The following ENOX1 variants were observed in gnomAD, a reference collection of about 807,000 sequenced individuals.
The protein encoded by ENOX1 is ecto-NOX disulfide-thiol exchanger 1.
In ENOX1, 42 loss-of-function variants were observed where a neutral mutation model predicts 82.5. The ratio of observed to expected loss-of-function variants is 0.51; its 90% CI spans 0.40 to 0.66. The LOEUF (loss-of-function observed/expected upper bound fraction) is 0.66, where lower values mean the gene tolerates loss of function less well. ENOX1 is among the 30% of genes least tolerant of loss of function. The pLI is 0.00. For synonymous variants in ENOX1, 271 were observed against 282.2 expected (o/e 0.96, Z 0.40); for missense variants, 608 against 811.6 (o/e 0.75, Z 3.05).
chr13:43,590,646 C>T (rs539259753), intron 2 of ENOX1, among the ~76,000 whole-genome samples: 1 of 151,622 alleles, frequency 6.6e-6, no homozygotes, highest in Non-Finnish European at 1.5e-5. Flanking sequence ...CACAGTGGCA[C>T]GCGCCTGTAG....
chr13:43,368,271 T>C (rs1259517710), intron 5 of ENOX1, among the ~76,000 whole-genome samples: 2 of 152,236 alleles, frequency 1.3e-5, no homozygotes, highest in Non-Finnish European at 2.9e-5. Context: ...TTGACCAGGA[T>C]GCAACGCTGG....
chr13:43,344,145 T>C (rs1023593908), intron 9 of ENOX1, among the ~76,000 whole-genome samples: 3 of 152,176 alleles, frequency 2.0e-5, no homozygotes, highest in South Asian at 2.1e-4. Context: ...GGAAAATGTG[T>C]TCAAGTTTGC....
At chr13:43,242,624 A>C (rs896909388) in intron 14 of ENOX1, among the ~76,000 whole-genome samples, 1 of 152,188 alleles carries the variant, frequency 6.6e-6, no homozygotes, top group Non-Finnish European at 1.5e-5. Context: ...CAGCCAGGTG[A>C]CCTTGGCAAA....
At chr13:43,290,471 C>T (rs1391798196) in intron 12 of ENOX1, among the ~76,000 whole-genome samples, 1 of 151,980 alleles carries the variant, frequency 6.6e-6, no homozygotes, top group Non-Finnish European at 1.5e-5. Flanking sequence ...TAGTTGGAGG[C>T]CTTAATCCTA....
At chr13:43,236,037 G>A (rs1419738429) in intron 15 of ENOX1, among the ~76,000 whole-genome samples, 3 of 152,162 alleles carry the variant, frequency 2.0e-5, no homozygotes, top group Non-Finnish European at 4.4e-5. Flanking sequence ...TCCTCATCAA[G>A]AATTCTTCCT....
intron 5 of ENOX1, among the ~76,000 whole-genome samples, chr13:43,390,023 G>A (rs1236817881): frequency 6.6e-6 from 1 of 152,146 alleles, no homozygotes; most frequent in Non-Finnish European, 1.5e-5. Context: ...CAGTGTGAGT[G>A]CTGAAAACGA....
chr13:43,522,352 T>C (rs1051460375), intron 2 of ENOX1, among the ~76,000 whole-genome samples: 1 of 152,114 alleles, frequency 6.6e-6, no homozygotes, highest in African/African-American at 2.4e-5. Flanking sequence ...TTTATACAAA[T>C]ATAGTGGAGC....
intron 1 of ENOX1, among the ~76,000 whole-genome samples, chr13:43,725,101 C>A (rs1242104624): frequency 6.6e-6 from 1 of 152,118 alleles, no homozygotes; most frequent in South Asian, 2.1e-4. Flanking sequence ...GGATATATGT[C>A]TCACTTTCCT....
Position 43,685,454 on chromosome 13 carries a change from G to A in ENOX1, c.-284-17910C>T, listed in dbSNP as rs182724844. On this transcript the variant is annotated intron_variant, in intron 1 of 16. Transcript: ENST00000690772. ...AAGGGCACAGCTGACAGCCATGTGCGTACCTCGCTGCTGGCCTAAAGTAGG... is the reference window on the plus strand; with the variant it reads ...AAGGGCACAGCTGACAGCCATGTGCATACCTCGCTGCTGGCCTAAAGTAGG... Among the ~76,000 whole-genome samples the A allele has an allele frequency of 1.2e-3, 180 of 152,198 alleles. 5 individuals carry two copies. The South Asian group carries it at 0.032, about 27-fold the overall frequency.
intron 2 of ENOX1, among the ~76,000 whole-genome samples, chr13:43,563,569 A>T (rs1255984400): frequency 6.6e-6 from 1 of 152,094 alleles, no homozygotes; most frequent in Non-Finnish European, 1.5e-5. Context: ...AGACAATACA[A>T]ATGACTGATG....
At chr13:43,310,164 A>C (rs548878057) in intron 11 of ENOX1, among the ~76,000 whole-genome samples, 1 of 132,570 alleles carries the variant, frequency 7.5e-6, no homozygotes, top group East Asian at 2.5e-4. Context: ...ACGCCATTGC[A>C]CTCTACCCTG....
chr13:43,264,841 T>C (rs1054689925), intron 14 of ENOX1, among the ~76,000 whole-genome samples: 4 of 152,222 alleles, frequency 2.6e-5, no homozygotes, highest in African/African-American at 4.8e-5. Flanking sequence ...CAAGGAACAC[T>C]AAGAGAGGAA....
chr13:43,525,706 G>T (rs1009292465), intron 2 of ENOX1, among the ~76,000 whole-genome samples: 16 of 152,000 alleles, frequency 1.1e-4, no homozygotes, highest in African/African-American at 3.4e-4. Context: ...ATGTGGTTTT[G>T]ATTTGCATTT....
chr13:43,344,745 T>C lies in ENOX1; in HGVS notation c.829A>G (p.Ser277Gly), dbSNP rs756372318. ...ALLAEKLKDD[S>G]KFSEAITVLL... The stretch of plus-strand genomic sequence containing the variant: ...ACTGTGATAGCCTCTGAAAACTTGC[T>C]ATCATCTGGAAATGGAAAACCACCA... Residue 277 changes from serine (S) to glycine (G), a missense_variant, in exon 9 of 17, where the codon AGC becomes GGC. Transcript: ENST00000690772. 1.9e-6 allele frequency: 3 copies of C among 1,613,836 alleles called. No individual in the cohort carries two copies. The highest frequency in any genetic ancestry group is 8.5e-7 in the Non-Finnish European group (1 of 1,179,906).
intron 14 of ENOX1, among the ~76,000 whole-genome samples, chr13:43,258,631 AG>A (rs1454879276): frequency 6.6e-6 from 1 of 152,180 alleles, no homozygotes; most frequent in East Asian, 1.9e-4. Flanking sequence ...GCATCTGCAG[AG>A]CAAAGGTGAC....
At chr13:43,624,574 G>A (rs963793372) in intron 2 of ENOX1, among the ~76,000 whole-genome samples, 9 of 152,020 alleles carry the variant, frequency 5.9e-5, no homozygotes, top group African/African-American at 2.2e-4. Flanking sequence ...TACATAAGGT[G>A]TGCTACTGAG....
intron 3 of ENOX1, among the ~76,000 whole-genome samples, chr13:43,468,955 T>A (rs2057867122): frequency 6.6e-6 from 1 of 152,220 alleles, no homozygotes; most frequent in African/African-American, 2.4e-5. Flanking sequence ...ATTGATTTTA[T>A]ACGTTGCAAC....
chr13:43,506,257 A>G (rs2077158071), intron 2 of ENOX1, among the ~76,000 whole-genome samples: 1 of 152,022 alleles, frequency 6.6e-6, no homozygotes, highest in Non-Finnish European at 1.5e-5. Context: ...ACTGGCCATC[A>G]GAGAAATGCA....
chr13:43,368,097 G>A (rs1364528249), intron 5 of ENOX1, among the ~76,000 whole-genome samples: 2 of 152,196 alleles, frequency 1.3e-5, no homozygotes, highest in African/African-American at 4.8e-5. Flanking sequence ...CTTTAAGAAA[G>A]TGAAACTGAA....
Sources: gnomAD v4.1 joint callset for allele counts (sites outside exome capture counted in the v4.1 genomes callset) on GRCh38, gnomAD v4.1.1 for gene constraint, MANE v1.5 for transcripts, NCBI Gene and HGNC (gene_info 2026-07-23, HGNC 2026-07-21) for gene names.